The following RALGAPA2 variants were observed in gnomAD, a reference collection of about 807,000 sequenced individuals.
The protein encoded by RALGAPA2 is ral GTPase-activating protein subunit alpha-2.
Under a neutral mutation model 230.4 loss-of-function variants are expected in RALGAPA2, and 139 were observed. The ratio of observed to expected loss-of-function variants is 0.60; its 90% CI spans 0.53 to 0.69. The LOEUF (loss-of-function observed/expected upper bound fraction) is 0.69. RALGAPA2 is among the 30% of genes least tolerant of loss of function. The pLI is 0.00. For missense variants in RALGAPA2, 2,163 were observed against 2,276.0 expected (o/e 0.95, Z 1.01); for synonymous variants, 847 against 837.8 (o/e 1.01, Z -0.19).
intron 37 of RALGAPA2, among the ~76,000 whole-genome samples, chr20:20,426,420 T>C (rs1379841337): frequency 1.3e-5 from 2 of 152,214 alleles, no homozygotes; most frequent in Non-Finnish European, 1.5e-5. Flanking sequence ...TATACACATA[T>C]AGCTCTGTTG....
intron 36 of RALGAPA2, among the ~76,000 whole-genome samples, chr20:20,475,409 C>A (rs970244984): frequency 6.6e-6 from 1 of 152,146 alleles, no homozygotes; most frequent in African/African-American, 2.4e-5. Context: ...ATTTAACATT[C>A]ATAAATCCAT....
At chr20:20,667,435 GC>G in intron 3 of RALGAPA2, among the ~76,000 whole-genome samples, 1 of 152,278 alleles carries the variant, frequency 6.6e-6, no homozygotes, top group Non-Finnish European at 1.5e-5. Flanking sequence ...GCTGAGTCCA[GC>G]CATCCAATCC....
intron 10 of RALGAPA2, among the ~76,000 whole-genome samples, chr20:20,623,716 GC>G (rs1318190796): frequency 6.6e-6 from 1 of 151,902 alleles, no homozygotes; most frequent in Non-Finnish European, 1.5e-5. Context: ...CTCCTTAGCT[GC>G]ATCTAATCTA....
At chr20:20,402,180 T>C (rs1332484684) in intron 38 of RALGAPA2, among the ~76,000 whole-genome samples, 3 of 152,244 alleles carry the variant, frequency 2.0e-5, no homozygotes, top group African/African-American at 4.8e-5. Flanking sequence ...AAAACCAGCC[T>C]GCCTCCATTC....
At chr20:20,709,567 T>C (rs2069761636) in intron 1 of RALGAPA2, among the ~76,000 whole-genome samples, 1 of 152,192 alleles carries the variant, frequency 6.6e-6, no homozygotes, top group South Asian at 2.1e-4. Flanking sequence ...GTCAACAGTG[T>C]AGGAAGAACT....
chr20:20,615,926 G>C, intron 13 of RALGAPA2, 117 bp downstream of exon 13: 2 of 777,660 alleles, frequency 2.6e-6, no homozygotes, highest in South Asian at 7.4e-5. Flanking sequence ...TGTTACAAAA[G>C]ACATTTTGTT....
intron 4 of RALGAPA2, among the ~76,000 whole-genome samples, chr20:20,645,423 GTTTT>G (rs1194815995): frequency 6.6e-6 from 1 of 151,882 alleles, no homozygotes; most frequent in Non-Finnish European, 1.5e-5. Context: ...CGTTAGTGTT[GTTTT>G]TTAAGTATTT....
Position 20,521,017 on chromosome 20 carries a change from C to T in RALGAPA2, c.3984G>A (p.Thr1328=), listed in dbSNP as rs1385436306. 1.9e-6 allele frequency: 3 copies of T among 1,613,858 alleles called. No individual in the cohort carries two copies. The highest frequency in any genetic ancestry group is 1.7e-5 in the Admixed American group (1 of 60,016). ...CCAGTGGCAGGAAGGGGTCATAATC[C>T]GTGGATGACAAGTCAGCCAGGGTCA... ...YILTLADLSS[T]DYDPFLPLAN... is the part of the protein sequence containing the mutation. The change falls in exon 31 of 40, where the codon ACG becomes ACA. Residue 1328 remains threonine (T), a synonymous_variant. Coordinates refer to ENST00000202677, the MANE Select transcript of RALGAPA2 (RefSeq NM_020343.4).
chr20:20,465,348 T>G (rs894916767), intron 37 of RALGAPA2, among the ~76,000 whole-genome samples: 1 of 150,770 alleles, frequency 6.6e-6, no homozygotes, highest in Non-Finnish European at 1.5e-5. Context: ...TATGGGAGGG[T>G]GAGGGGTCCT....
intron 1 of RALGAPA2, among the ~76,000 whole-genome samples, chr20:20,689,425 C>T (rs1284446842): frequency 6.6e-6 from 1 of 152,140 alleles, no homozygotes; most frequent in African/African-American, 2.4e-5. Context: ...GGGCAGATCA[C>T]GAGGTCAAAA....
At chr20:20,617,729 T>C (rs888030588) in intron 12 of RALGAPA2, among the ~76,000 whole-genome samples, 4 of 152,172 alleles carry the variant, frequency 2.6e-5, no homozygotes, top group Non-Finnish European at 4.4e-5. Context: ...AAAGCAACTA[T>C]AGAAAACTAC....
Position 20,513,074 on chromosome 20 carries a change from T to G in RALGAPA2, c.4295A>C (p.Asn1432Thr). 6.2e-7 allele frequency: 1 copy of G among 1,608,002 alleles called. No individual in the cohort carries two copies. Among genetic ancestry groups the G allele is most frequent in the Middle Eastern group, 1.7e-4 (1 of 6,022 alleles). Residue 1432 changes from asparagine to threonine, a missense_variant, in exon 32 of 40, where the codon AAT becomes ACT. Coordinates refer to ENST00000202677, the MANE Select transcript of RALGAPA2 (RefSeq NM_020343.4). ...AAGGTAGGAGATGAGGGTGCTATCA[T>G]TAAATACAAACAGCTGCAGGTTTGG... The part of the protein sequence containing the change: ...RSPNLQLFVF[N>T]DSTLISYLQT...
intron 1 of RALGAPA2, among the ~76,000 whole-genome samples, chr20:20,702,666 A>G (rs888257979): frequency 6.6e-6 from 1 of 152,192 alleles, no homozygotes; most frequent in African/African-American, 2.4e-5. Flanking sequence ...CCATCAGTCA[A>G]TCATGCTCCC....
chr20:20,683,917 A>T (rs1183340630), intron 1 of RALGAPA2, among the ~76,000 whole-genome samples: 1 of 152,048 alleles, frequency 6.6e-6, no homozygotes, highest in Non-Finnish European at 1.5e-5. Context: ...TCACACCCAA[A>T]CCTTGGTAAG....
intron 3 of RALGAPA2, among the ~76,000 whole-genome samples, chr20:20,658,691 A>G (rs1281824733): frequency 6.6e-6 from 1 of 152,214 alleles, no homozygotes; most frequent in African/African-American, 2.4e-5. Flanking sequence ...TCATTCTTTT[A>G]ACTGATTATC....
At chr20:20,523,546 T>A (rs2063107573) in intron 30 of RALGAPA2, among the ~76,000 whole-genome samples, 1 of 152,156 alleles carries the variant, frequency 6.6e-6, no homozygotes, top group South Asian at 2.1e-4. Context: ...GTAGTTAACA[T>A]TAATCAACTG....
chr20:20,540,315 T>A (rs1015763688), intron 24 of RALGAPA2, among the ~76,000 whole-genome samples: 1 of 152,216 alleles, frequency 6.6e-6, no homozygotes, highest in Non-Finnish European at 1.5e-5. Context: ...CACACACTCA[T>A]GTGCAATATT....
At chr20:20,545,351 G>A (rs2063752620) in intron 24 of RALGAPA2, among the ~76,000 whole-genome samples, 4 of 151,652 alleles carry the variant, frequency 2.6e-5, no homozygotes, top group South Asian at 2.1e-4. Flanking sequence ...CTATACATAC[G>A]CCACCATGCC....
intron 26 of RALGAPA2, among the ~76,000 whole-genome samples, chr20:20,533,035 CAAA>C (rs571940872): frequency 1.6e-5 from 2 of 126,980 alleles, no homozygotes; most frequent in Non-Finnish European, 3.4e-5. Flanking sequence ...AAAAAAAATC[CAAA>C]AAAAAAAGAA....
Sources: gnomAD v4.1 joint callset for allele counts (sites outside exome capture counted in the v4.1 genomes callset) on GRCh38, gnomAD v4.1.1 for gene constraint, MANE v1.5 for transcripts, NCBI Gene and HGNC (gene_info 2026-07-23, HGNC 2026-07-21) for gene names.